The following RABL3 variants were observed in gnomAD, a reference collection of about 807,000 sequenced individuals.
RABL3 encodes rab-like protein 3.
RABL3 carries 31 observed loss-of-function variants against 31.8 expected under a neutral mutation model. That is an observed-to-expected ratio of 0.97 (90% CI 0.73 to 1.31). The LOEUF (loss-of-function observed/expected upper bound fraction) is 1.31. Ranked by LOEUF, RABL3 falls within the 40% of genes most tolerant of loss-of-function variation. The probability of loss-of-function intolerance (pLI) is 0.00; values close to 1 mark genes in which losing one functional copy is unlikely to be tolerated. For synonymous variants in RABL3, 97 were observed against 99.9 expected, an observed-to-expected ratio of 0.97 and a Z score of 0.18; for missense variants, 263 against 279.6, an observed-to-expected ratio of 0.94 and a Z score of 0.42.
At chr3:120,736,578 A>G (rs1388696566) in intron 1 of RABL3, among the ~76,000 whole-genome samples, 5 of 152,136 alleles carry the variant, frequency 3.3e-5, no homozygotes, top group Non-Finnish European at 7.3e-5. Context: ...TGTCATCATG[A>G]TGTTAGCTGG....
Position 120,685,003 on chromosome 3 carries a change from A to T in RABL3, c.*4820T>A, listed in dbSNP as rs1258838876. Among the ~76,000 whole-genome samples the T allele has an allele frequency of 6.6e-6, 1 of 152,250 alleles. No individual in the cohort carries two copies. The highest frequency in any genetic ancestry group is 1.5e-5 in the Non-Finnish European group (1 of 68,054). On this transcript the variant is annotated 3_prime_UTR_variant, in exon 8 of 8. Coordinates refer to ENST00000273375, the MANE Select transcript of RABL3 (RefSeq NM_173825.5). ...TAATTATACATTCATTTATTTAACA[A>T]TTTTTGAAAACCATCACAACATAGT...
chr3:120,729,406 G>A (rs1410791114), intron 2 of RABL3, among the ~76,000 whole-genome samples: 2 of 152,008 alleles, frequency 1.3e-5, no homozygotes, highest in Non-Finnish European at 2.9e-5. Context: ...TTGAAGATGT[G>A]ATCATCTTAA....
At chr3:120,730,167 G>A (rs142839310) in intron 2 of RABL3, among the ~76,000 whole-genome samples, 9 of 152,298 alleles carry the variant, frequency 5.9e-5, no homozygotes, top group African/African-American at 2.2e-4. Flanking sequence ...TAACTCAAAG[G>A]AGAGAGGTGT....
intron 1 of RABL3, 146 bp from the exon 2 acceptor site, chr3:120,730,933 A>G (rs1576346701): frequency 3.1e-6 from 2 of 641,262 alleles, no homozygotes; most frequent in East Asian, 2.9e-5. Context: ...TTCACTGAAT[A>G]AAATGAAGAT....
intron 2 of RABL3, among the ~76,000 whole-genome samples, chr3:120,714,292 G>A (rs1182829165): frequency 1.3e-5 from 2 of 152,110 alleles, no homozygotes; most frequent in African/African-American, 4.8e-5. Flanking sequence ...AAAGAGAGAA[G>A]GGTGAAAAAG....
intron 1 of RABL3, among the ~76,000 whole-genome samples, chr3:120,738,987 ACTGC>A (rs1241149250): frequency 6.6e-6 from 1 of 152,184 alleles, no homozygotes; most frequent in Non-Finnish European, 1.5e-5. Context: ...ATGGGGTTAT[ACTGC>A]CACCAGCCAT....
At chr3:120,701,891 A>G (rs2107578969) in intron 4 of RABL3, among the ~76,000 whole-genome samples, 1 of 152,336 alleles carries the variant, frequency 6.6e-6, no homozygotes, top group East Asian at 1.9e-4. Context: ...GACAGGATAC[A>G]TGAAGTGGCT....
intron 2 of RABL3, among the ~76,000 whole-genome samples, chr3:120,715,730 C>G (rs2107585904): frequency 6.6e-6 from 1 of 151,814 alleles, no homozygotes; most frequent in African/African-American, 2.4e-5. Flanking sequence ...TGAACAGTAT[C>G]AGATTTTTTT....
At chr3:120,699,002 C>T (rs563656160) in intron 4 of RABL3, among the ~76,000 whole-genome samples, 2 of 152,304 alleles carry the variant, frequency 1.3e-5, no homozygotes, top group African/African-American at 4.8e-5. Context: ...GCATGGCACT[C>T]AAGCCTTGTG....
chr3:120,690,161 T>C (rs1708362648), intron 7 of RABL3, among the ~76,000 whole-genome samples: 7 of 152,166 alleles, frequency 4.6e-5, no homozygotes, highest in Admixed American at 4.6e-4. Flanking sequence ...TTATAGAAAT[T>C]ATTTGTATTG....
Position 120,689,819 on chromosome 3 carries a change from T to C in RABL3, c.*4A>G, listed in dbSNP as rs763491823. On this transcript the variant is annotated 3_prime_UTR_variant, in exon 8 of 8. Transcript: ENST00000273375. Reference sequence around the variant, plus strand: ...TGCTCACTCTTCCAAAGGATGAGTGTAATTCAGTCATAATGAAGGCTCTTT... The same window carrying C: ...TGCTCACTCTTCCAAAGGATGAGTGCAATTCAGTCATAATGAAGGCTCTTT... 2.0e-5 allele frequency: 32 copies of C among 1,605,080 alleles called. 2 individuals carry two copies. In the South Asian group the frequency reaches 3.4e-4, roughly 17 times the overall value.
chr3:120,711,596 T>C (rs1191828140), intron 2 of RABL3, among the ~76,000 whole-genome samples: 2 of 152,144 alleles, frequency 1.3e-5, no homozygotes, highest in Non-Finnish European at 2.9e-5. Context: ...CTCACAGTTA[T>C]CTCCAAAGAC....
At chr3:120,735,535 T>A (rs1559824533) in intron 1 of RABL3, among the ~76,000 whole-genome samples, 1 of 152,158 alleles carries the variant, frequency 6.6e-6, no homozygotes. Flanking sequence ...TTTTTGTGTC[T>A]CTATGTCCTT....
At chr3:120,691,411 CTT>C in intron 6 of RABL3, among the ~76,000 whole-genome samples, 1 of 152,198 alleles carries the variant, frequency 6.6e-6, no homozygotes, top group East Asian at 1.9e-4. Flanking sequence ...AGAAACTGTA[CTT>C]TGAGTGCCCA....
At chr3:120,731,226 T>C (rs144860047) in intron 1 of RABL3, among the ~76,000 whole-genome samples, 1 of 152,374 alleles carries the variant, frequency 6.6e-6, no homozygotes, top group Non-Finnish European at 1.5e-5. Flanking sequence ...ATCTGAGAAG[T>C]AATCCCTCTC....
intron 2 of RABL3, among the ~76,000 whole-genome samples, chr3:120,726,017 C>G (rs919469669): frequency 6.6e-6 from 1 of 152,034 alleles, no homozygotes; most frequent in South Asian, 2.1e-4. Flanking sequence ...GGGGGTCTCA[C>G]CATGTTGCCC....
chr3:120,718,616 C>CT (rs766626929), intron 2 of RABL3, among the ~76,000 whole-genome samples: 15 of 152,334 alleles, frequency 9.8e-5, no homozygotes, highest in Non-Finnish European at 1.9e-4. Flanking sequence ...CCAATCAACT[C>CT]TGAGTCAGAA....
At chr3:120,730,305 A>G (rs1489383873) in intron 2 of RABL3, among the ~76,000 whole-genome samples, 1 of 152,246 alleles carries the variant, frequency 6.6e-6, no homozygotes, top group East Asian at 1.9e-4. Context: ...TGACCCAGAC[A>G]TGAAGCTCCA....
At chr3:120,731,072 A>G (rs1559822803) in intron 1 of RABL3, among the ~76,000 whole-genome samples, 1 of 152,102 alleles carries the variant, frequency 6.6e-6, no homozygotes, top group Non-Finnish European at 1.5e-5. Flanking sequence ...AAGATTTCTA[A>G]CAAGTTCCCA....
Sources: gnomAD v4.1 joint callset for allele counts (sites outside exome capture counted in the v4.1 genomes callset) on GRCh38, gnomAD v4.1.1 for gene constraint, MANE v1.5 for transcripts, NCBI Gene and HGNC (gene_info 2026-07-23, HGNC 2026-07-21) for gene names.